The following NLN variants were observed in gnomAD, a reference collection of about 807,000 sequenced individuals.
NLN encodes neurolysin.
In NLN, 64 loss-of-function variants were observed where a neutral mutation model predicts 79.9. The ratio of observed to expected loss-of-function variants is 0.80; its 90% CI spans 0.65 to 0.99. The LOEUF (loss-of-function observed/expected upper bound fraction) is 0.99. NLN is among the 50% of genes least tolerant of loss of function. NLN has a pLI of 0.00. For synonymous variants in NLN, 267 were observed against 296.6 expected (o/e 0.90, Z 1.02); for missense variants, 835 against 858.7 (o/e 0.97, Z 0.34).
intron 1 of NLN, among the ~76,000 whole-genome samples, chr5:65,747,609 C>T (rs1378270137): frequency 6.6e-6 from 1 of 152,050 alleles, no homozygotes; most frequent in East Asian, 1.9e-4. Context: ...CCATGAGGGG[C>T]CTCACATGTG....
At position 65,731,749 on chromosome 5, in the gene NLN, T is replaced by C. The variant is rs935324607; in HGVS notation, c.41+9335T>C. On this transcript the variant is annotated intron_variant, in intron 1 of 12. Transcript: ENST00000380985. ...AAAAATCACCTACATTTTCTTTTTT[T>C]TTTTTTTTTTTTTTTTTTTCAGACA... 3.7e-5 allele frequency among the ~76,000 whole-genome samples: 4 copies of C among 108,234 alleles called. No individual in the cohort carries two copies. In the East Asian group the frequency reaches 6.7e-4, roughly 18 times the overall value. 71.0% of individuals were successfully genotyped at this position (108,234 alleles called of 152,430 possible).
chr5:65,739,077 A>C (rs955402772), intron 1 of NLN, among the ~76,000 whole-genome samples: 1 of 115,072 alleles, frequency 8.7e-6, no homozygotes, highest in Non-Finnish European at 2.0e-5. Flanking sequence ...TAAATTTTGT[A>C]TTTTTAGTAG....
Position 65,758,674 on chromosome 5 carries a change from G to A in NLN, c.149G>A (p.Trp50Ter). ...YTVAGRNVLR[W>*]DLSPEQIKTR... ...GTGGCTGGCAGAAATGTTTTAAGAT[G>A]GGATCTTTCACCAGAGCAAATTAAA... Residue 50 changes from tryptophan to a stop codon, truncating the protein, a stop_gained, in exon 2 of 13, where the codon TGG becomes TAG. Transcript: ENST00000380985. LOFTEE classifies it high-confidence loss of function. 1 of 1,613,674 alleles carries A rather than the reference G, an allele frequency of 6.2e-7. No individual in the cohort carries two copies. Among genetic ancestry groups the A allele is most frequent in the African/African-American group, 1.3e-5 (1 of 75,000 alleles).
intron 12 of NLN, among the ~76,000 whole-genome samples, chr5:65,815,470 T>C (rs1205729219): frequency 6.6e-6 from 1 of 152,202 alleles, no homozygotes; most frequent in African/African-American, 2.4e-5. Context: ...TTGAAAACAA[T>C]TTTCAGTGTT....
chr5:65,800,198 T>G (rs529628520), intron 9 of NLN, among the ~76,000 whole-genome samples: 34 of 152,356 alleles, frequency 2.2e-4, no homozygotes, highest in Admixed American at 4.6e-4. Context: ...AACAGTCACA[T>G]GTAAGATTTA....
At chr5:65,768,773 G>T (rs1759506969) in intron 3 of NLN, among the ~76,000 whole-genome samples, 1 of 152,194 alleles carries the variant, frequency 6.6e-6, no homozygotes, top group Admixed American at 6.5e-5. Flanking sequence ...GGGAGGTGGG[G>T]TACAGGAAGG....
chr5:65,731,742 C>CTTTTTTTT lies in NLN; in HGVS notation c.41+9347_41+9354dup, dbSNP rs761722243. On this transcript the variant is annotated intron_variant, in intron 1 of 12. Coordinates refer to ENST00000380985, the MANE Select transcript of NLN (RefSeq NM_020726.5). Reference sequence around the variant, plus strand: ...GTATTTTAAAAATCACCTACATTTTCTTTTTTTTTTTTTTTTTTTTTTTTT... The same window carrying CTTTTTTTT: ...GTATTTTAAAAATCACCTACATTTTCTTTTTTTTTTTTTTTTTTTTTTTTTTTTTTTTT... Among the ~76,000 whole-genome samples the CTTTTTTTT allele has an allele frequency of 5.8e-4, 36 of 62,008 alleles. 4 individuals are homozygous for CTTTTTTTT. The highest frequency in any genetic ancestry group is 8.4e-4 in the Non-Finnish European group (26 of 31,090). The allele number at this position is 62,008 out of a possible 152,430, so 40.7% of individuals were successfully genotyped here. A position where few individuals can be genotyped will look rare whatever the true frequency, so the allele number is the denominator to read the frequency against.
chr5:65,764,761 AACATTTTTTAGGGGCTTCT>A (rs1194680121), intron 3 of NLN, among the ~76,000 whole-genome samples: 1 of 152,160 alleles, frequency 6.6e-6, no homozygotes, highest in African/African-American at 2.4e-5. Context: ...TTATTGTGTG[AACATTTTTTAGGGGCTTCT>A]ACAACATTTG....
rs996962024 is a variant in NLN at position 65,828,785 on chromosome 5, A to G, written c.*5870A>G. Reference sequence around the variant, plus strand: ...CCAGCTTTTAAGATGCGATAATGATAAGATGATCATCGGGAAAACATCCCT... The same window carrying G: ...CCAGCTTTTAAGATGCGATAATGATGAGATGATCATCGGGAAAACATCCCT... On this transcript the variant is annotated 3_prime_UTR_variant, in exon 13 of 13. Transcript: ENST00000380985. The G allele has an allele frequency of 5.8e-4, 88 of 152,304 alleles. 1 individual carries two copies. The highest frequency in any genetic ancestry group is 2.1e-3 in the African/African-American group (87 of 41,564). The allele number at this position is 152,304 out of a possible 1,614,324, so 9.4% of individuals were successfully genotyped here. A position where few individuals can be genotyped will look rare whatever the true frequency, so the allele number is the denominator to read the frequency against.
intron 1 of NLN, among the ~76,000 whole-genome samples, chr5:65,750,259 T>G (rs73099383): frequency 1.3e-5 from 2 of 152,242 alleles, no homozygotes; most frequent in Non-Finnish European, 2.9e-5. Context: ...CTATTGAATA[T>G]TTGAAATGTG....
intron 10 of NLN, 145 bp from the exon 11 acceptor site, chr5:65,809,892 C>T: frequency 9.3e-7 from 1 of 1,073,802 alleles, no homozygotes; most frequent in Non-Finnish European, 1.3e-6. Flanking sequence ...ACCACATCTC[C>T]TTTTAAATCT....
chr5:65,738,697 A>G (rs1758790358), intron 1 of NLN, among the ~76,000 whole-genome samples: 1 of 151,854 alleles, frequency 6.6e-6, no homozygotes, highest in Admixed American at 6.6e-5. Context: ...TCCTTTGACC[A>G]GCATCTCTCC....
chr5:65,820,458 G>T (rs544304520), intron 12 of NLN, among the ~76,000 whole-genome samples: 1 of 152,060 alleles, frequency 6.6e-6, no homozygotes, highest in Admixed American at 6.5e-5. Context: ...CATTGTCTGC[G>T]TTCTTCCTGT....
At chr5:65,820,799 T>C (rs1236746341) in intron 12 of NLN, among the ~76,000 whole-genome samples, 1 of 151,950 alleles carries the variant, frequency 6.6e-6, no homozygotes, top group Non-Finnish European at 1.5e-5. Flanking sequence ...CCCAGCACTT[T>C]GGGAGGCCGA....
Position 65,752,237 on chromosome 5 carries a change from C to CA in NLN, c.42-6317dup, listed in dbSNP as rs35535658. Among the ~76,000 whole-genome samples, 375 of 142,148 alleles carry CA rather than the reference C, an allele frequency of 2.6e-3. 2 individuals carry two copies. The highest frequency in any genetic ancestry group is 5.8e-3 in the East Asian group (28 of 4,820). The allele number at this position is 142,148 out of a possible 152,430, so 93.3% of individuals were successfully genotyped here. Reference sequence around the variant, plus strand: ...TGGCTGAGAGAGTGAGACCCTGTTTCAAAAAAAAAAAAATTCACAAAGGTC... The same window carrying CA: ...TGGCTGAGAGAGTGAGACCCTGTTTCAAAAAAAAAAAAAATTCACAAAGGTC... On this transcript the variant is annotated intron_variant, in intron 1 of 12. Coordinates refer to ENST00000380985, the MANE Select transcript of NLN (RefSeq NM_020726.5).
At chr5:65,749,673 A>AAT (rs1408272802) in intron 1 of NLN, among the ~76,000 whole-genome samples, 1 of 152,178 alleles carries the variant, frequency 6.6e-6, no homozygotes, top group Non-Finnish European at 1.5e-5. Context: ...TAAGTTCACA[A>AAT]ATATTTGCTG....
intron 3 of NLN, among the ~76,000 whole-genome samples, chr5:65,765,027 TTTTA>T (rs1343883767): frequency 6.6e-6 from 1 of 152,196 alleles, no homozygotes; most frequent in African/African-American, 2.4e-5. Context: ...TATCCAAATA[TTTTA>T]TTTATTTTCT....
At chr5:65,722,486 C>T in intron 1 of NLN, 72 bp downstream of exon 1, 2 of 1,366,444 alleles carry the variant, frequency 1.5e-6, no homozygotes, top group African/African-American at 1.5e-5. Flanking sequence ...GCCTGGAGCC[C>T]GGACCCACCC....
At chr5:65,822,759 G>C in intron 12 of NLN, 22 bp from the exon 13 acceptor site, 1 of 1,586,830 alleles carries the variant, frequency 6.3e-7, no homozygotes, top group Non-Finnish European at 8.7e-7. Context: ...GAATTATTAG[G>C]TATGATGTTT....
Sources: allele counts gnomAD v4.1 joint callset (sites outside exome capture counted in the v4.1 genomes callset), GRCh38; gene constraint gnomAD v4.1.1; transcripts MANE v1.5; gene names NCBI Gene and HGNC (gene_info 2026-07-23, HGNC 2026-07-21).